The following AGBL4 variants were observed in gnomAD, a reference collection of about 807,000 sequenced individuals.
The protein encoded by AGBL4 is cytosolic carboxypeptidase 6.
AGBL4 carries 58 observed loss-of-function variants against 66.4 expected under a neutral mutation model. The ratio of observed to expected loss-of-function variants is 0.87; its 90% CI spans 0.71 to 1.09. AGBL4 has a LOEUF of 1.09. Among genes scored for constraint, AGBL4 ranks in the 50% least tolerant of loss-of-function variants. The pLI is 0.00. For synonymous variants in AGBL4, 234 were observed against 222.9 expected, an observed-to-expected ratio of 1.05 and a Z score of -0.44; for missense variants, 579 against 631.0, an observed-to-expected ratio of 0.92 and a Z score of 0.88.
At chr1:49,224,466 A>C (rs1003601242) in intron 4 of AGBL4, among the ~76,000 whole-genome samples, 1 of 151,790 alleles carries the variant, frequency 6.6e-6, no homozygotes, top group Non-Finnish European at 1.5e-5. Context: ...AAATACAAAA[A>C]ATTAGCCGGG....
At chr1:49,011,803 T>C (rs1379824797) in intron 5 of AGBL4, among the ~76,000 whole-genome samples, 1 of 146,564 alleles carries the variant, frequency 6.8e-6, no homozygotes, top group East Asian at 2.0e-4. Flanking sequence ...ACACCGCATA[T>C]TCTCACTCAT....
chr1:48,953,440 T>C (rs1657166776), intron 5 of AGBL4, among the ~76,000 whole-genome samples: 1 of 152,192 alleles, frequency 6.6e-6, no homozygotes, highest in Admixed American at 6.5e-5. Flanking sequence ...TGATTGCTTG[T>C]GTGGTGTGTC....
rs534896920 is a variant in AGBL4 at position 49,263,243 on chromosome 1, C to G, written c.283-17379G>C. On this transcript the variant is annotated intron_variant, in intron 3 of 13. Coordinates refer to ENST00000371839, the MANE Select transcript of AGBL4 (RefSeq NM_032785.4). ...ATGGGTGCAGCACACCAGCATGGCA[C>G]ATGTATACATATGTAACTAACCTGC... Among the ~76,000 whole-genome samples, 163 of 118,282 alleles carry G rather than the reference C, an allele frequency of 1.4e-3. 1 individual carries two copies. The highest frequency in any genetic ancestry group is 3.9e-3 in the African/African-American group (156 of 39,644). The allele number at this position is 118,282 out of a possible 152,430, so 77.6% of individuals were successfully genotyped here.
intron 3 of AGBL4, among the ~76,000 whole-genome samples, chr1:49,594,785 G>A (rs1190421456): frequency 2.0e-5 from 3 of 152,128 alleles, no homozygotes; most frequent in African/African-American, 7.2e-5. Flanking sequence ...ATTTGGGTTG[G>A]TTCCAAGTCT....
At chr1:49,162,639 T>A (rs1001171841) in intron 4 of AGBL4, among the ~76,000 whole-genome samples, 2 of 152,192 alleles carry the variant, frequency 1.3e-5, no homozygotes, top group African/African-American at 4.8e-5. Context: ...TTATCCTTTC[T>A]ACTTTGTGTA....
chr1:49,985,844 C>A (rs1372889709), intron 1 of AGBL4, among the ~76,000 whole-genome samples: 1 of 152,070 alleles, frequency 6.6e-6, no homozygotes, highest in African/African-American at 2.4e-5. Flanking sequence ...TCCTCACAAA[C>A]ATCATTTTCC....
At chr1:48,607,025 G>A (rs1046374935) in intron 9 of AGBL4, among the ~76,000 whole-genome samples, 6 of 152,124 alleles carry the variant, frequency 3.9e-5, no homozygotes, top group African/African-American at 1.4e-4. Flanking sequence ...AGGTTACAAT[G>A]AGATCACTCA....
At chr1:48,977,319 C>A (rs1016939585) in intron 5 of AGBL4, among the ~76,000 whole-genome samples, 2 of 152,104 alleles carry the variant, frequency 1.3e-5, no homozygotes, top group African/African-American at 2.4e-5. Context: ...ATATATGCCT[C>A]ATTTCCAAGA....
intron 3 of AGBL4, among the ~76,000 whole-genome samples, chr1:49,467,826 T>G (rs1646661838): frequency 6.6e-6 from 1 of 151,814 alleles, no homozygotes; most frequent in Non-Finnish European, 1.5e-5. Context: ...TGCAGAAAAT[T>G]AAAAAATAGT....
intron 3 of AGBL4, among the ~76,000 whole-genome samples, chr1:49,310,184 G>A (rs1644919062): frequency 6.6e-6 from 1 of 152,140 alleles, no homozygotes; most frequent in Non-Finnish European, 1.5e-5. Flanking sequence ...TTGAGTCAGA[G>A]AGGATACAAT....
intron 4 of AGBL4, among the ~76,000 whole-genome samples, chr1:49,219,738 G>T (rs182838084): frequency 6.6e-6 from 1 of 152,108 alleles, no homozygotes; most frequent in Non-Finnish European, 1.5e-5. Flanking sequence ...CTCACTTCTT[G>T]TTGATTACTT....
intron 3 of AGBL4, among the ~76,000 whole-genome samples, chr1:49,345,961 A>G (rs552165201): frequency 1.3e-5 from 2 of 152,282 alleles, no homozygotes; most frequent in African/African-American, 4.8e-5. Flanking sequence ...CAGAACCAAT[A>G]AAAGACCCTT....
rs569799677 is a variant in AGBL4 at position 49,478,795 on chromosome 1, C to T, written c.282+218518G>A. ...CTACAGCAACTTTTCAAGACATAGA[C>T]GATGCAATAAGACATAAATAGAAAT... On this transcript the variant is annotated intron_variant, in intron 3 of 13. Transcript: ENST00000371839. Among the ~76,000 whole-genome samples, 7 of 151,766 alleles carry T rather than the reference C, an allele frequency of 4.6e-5. No individual in the cohort carries two copies. The East Asian group carries it at 5.8e-4, about 13-fold the overall frequency.
intron 1 of AGBL4, among the ~76,000 whole-genome samples, chr1:49,984,014 G>A (rs1659300352): frequency 6.6e-6 from 1 of 152,246 alleles, no homozygotes; most frequent in Admixed American, 6.5e-5. Flanking sequence ...TCATGAGACT[G>A]ATAGAGCAGA....
chr1:49,291,636 G>A (rs1644535300), intron 3 of AGBL4, among the ~76,000 whole-genome samples: 1 of 152,214 alleles, frequency 6.6e-6, no homozygotes, highest in South Asian at 2.1e-4. Context: ...CAATCTTAGA[G>A]AGTATTAATT....
intron 5 of AGBL4, among the ~76,000 whole-genome samples, chr1:48,983,132 C>T (rs1385353761): frequency 6.6e-6 from 1 of 152,062 alleles, no homozygotes; most frequent in African/African-American, 2.4e-5. Flanking sequence ...ACTGAAGTTG[C>T]TTTCAACATA....
intron 6 of AGBL4, among the ~76,000 whole-genome samples, chr1:48,702,021 A>C (rs1646810111): frequency 6.6e-6 from 1 of 152,230 alleles, no homozygotes; most frequent in Non-Finnish European, 1.5e-5. Context: ...ACACAAAATG[A>C]CAATAGTCAT....
chr1:48,817,972 C>G, intron 6 of AGBL4: 1 of 690,252 alleles, frequency 1.4e-6, no homozygotes, highest in East Asian at 2.7e-5. Context: ...TGTCCAGAGC[C>G]TCAGTGACTT....
chr1:49,071,566 C>G (rs949547557), intron 4 of AGBL4, among the ~76,000 whole-genome samples: 1 of 151,940 alleles, frequency 6.6e-6, no homozygotes, highest in African/African-American at 2.4e-5. Flanking sequence ...GAGTGAGTTT[C>G]TTAATCCTGA....
Sources: allele counts gnomAD v4.1 joint callset (sites outside exome capture counted in the v4.1 genomes callset), GRCh38; gene constraint gnomAD v4.1.1; transcripts MANE v1.5; gene names NCBI Gene and HGNC (gene_info 2026-07-23, HGNC 2026-07-21).